WDFY4: variants seen among roughly 807,000 people sequenced by gnomAD.
The protein encoded by WDFY4 is WD repeat- and FYVE domain-containing protein 4.
WDFY4 carries 169 observed loss-of-function variants against 351.9 expected under a neutral mutation model. That is an observed-to-expected ratio of 0.48 (90% confidence interval 0.42 to 0.55). The LOEUF (loss-of-function observed/expected upper bound fraction) is 0.55, where lower values mean the gene tolerates loss of function less well. WDFY4 is among the 20% of genes least tolerant of loss of function. The pLI, the probability that WDFY4 is intolerant of heterozygous loss-of-function variation, is 0.00. For synonymous variants in WDFY4, 1,622 were observed against 1,574.6 expected, an observed-to-expected ratio of 1.03 and a Z score of -0.71; for missense variants, 3,803 against 3,935.6, an observed-to-expected ratio of 0.97 and a Z score of 0.90.
intron 39 of WDFY4, among the ~76,000 whole-genome samples, chr10:48,857,108 T>TA (rs1013412192): frequency 3.8e-4 from 58 of 152,310 alleles, no homozygotes; most frequent in African/African-American, 1.3e-3. Flanking sequence ...TTTGTTCAGA[T>TA]AAAAATGATG....
At chr10:48,879,893 A>G (rs1302670928) in intron 43 of WDFY4, among the ~76,000 whole-genome samples, 1 of 151,848 alleles carries the variant, frequency 6.6e-6, no homozygotes, top group African/African-American at 2.4e-5. Flanking sequence ...CGCTCCCCCA[A>G]CACCACCTCT....
chr10:48,735,679 A>C (rs995621452), intron 10 of WDFY4, among the ~76,000 whole-genome samples: 2 of 152,198 alleles, frequency 1.3e-5, no homozygotes, highest in Non-Finnish European at 2.9e-5. Flanking sequence ...TAAAAAAATC[A>C]TCAGATCCAC....
chr10:48,789,457 T>C (rs559180794), intron 21 of WDFY4, among the ~76,000 whole-genome samples: 3 of 152,344 alleles, frequency 2.0e-5, no homozygotes, highest in African/African-American at 2.4e-5. Context: ...GAGTCCAGGA[T>C]TCCTATCTTC....
chr10:48,804,329 G>A (rs761345363), intron 25 of WDFY4, among the ~76,000 whole-genome samples: 5 of 152,242 alleles, frequency 3.3e-5, no homozygotes, highest in African/African-American at 4.8e-5. Context: ...TGTACTTAGA[G>A]GTAAAATTCA....
intron 42 of WDFY4, 55 bp from the exon 43 acceptor site, chr10:48,876,978 C>G: frequency 1.4e-6 from 2 of 1,434,198 alleles, no homozygotes; most frequent in South Asian, 3.0e-5. Context: ...TGCACCGGCC[C>G]TTACCATGTC....
At chr10:48,922,556 A>G (rs1370231455) in intron 47 of WDFY4, among the ~76,000 whole-genome samples, 1 of 152,212 alleles carries the variant, frequency 6.6e-6, no homozygotes, top group Non-Finnish European at 1.5e-5. Flanking sequence ...ATTGTTGTTC[A>G]TCTCTTACGG....
chr10:48,916,449 G>T (rs1431138235), intron 47 of WDFY4, among the ~76,000 whole-genome samples: 1 of 152,162 alleles, frequency 6.6e-6, no homozygotes, highest in Non-Finnish European at 1.5e-5. Context: ...AGTCATCCAG[G>T]CAGGCATCTA....
chr10:48,856,390 C>T (rs1051798438), intron 39 of WDFY4, among the ~76,000 whole-genome samples: 1 of 152,036 alleles, frequency 6.6e-6, no homozygotes, highest in African/African-American at 2.4e-5. Context: ...GAAAAATATC[C>T]AGTTATCTGA....
At chr10:48,941,638 G>A (rs1258130153) in intron 47 of WDFY4, among the ~76,000 whole-genome samples, 168 bp from the exon 48 acceptor site, 1 of 152,212 alleles carries the variant, frequency 6.6e-6, no homozygotes, top group Admixed American at 6.5e-5. Context: ...AAGAAGAGCT[G>A]GATGACAGTC....
At chr10:48,697,277 C>T (rs1047554149) in intron 1 of WDFY4, among the ~76,000 whole-genome samples, 1 of 152,244 alleles carries the variant, frequency 6.6e-6, no homozygotes, top group African/African-American at 2.4e-5. Context: ...AGCTCCCTTC[C>T]CGACCTGCTT....
At chr10:48,879,937 G>A (rs1042469097) in intron 43 of WDFY4, among the ~76,000 whole-genome samples, 7 of 152,200 alleles carry the variant, frequency 4.6e-5, no homozygotes, top group Non-Finnish European at 8.8e-5. Flanking sequence ...GGGCGCAGGG[G>A]ATGGCACTAA....
chr10:48,798,690 CAT>C (rs1175862559), intron 24 of WDFY4, among the ~76,000 whole-genome samples: 2 of 152,208 alleles, frequency 1.3e-5, no homozygotes, highest in East Asian at 3.8e-4. Flanking sequence ...GCTGGGCACT[CAT>C]AGGGAAATTC....
chr10:48,863,307 C>A (rs2069410766), intron 39 of WDFY4, among the ~76,000 whole-genome samples: 1 of 152,190 alleles, frequency 6.6e-6, no homozygotes, highest in African/African-American at 2.4e-5. Context: ...TACATTCCCA[C>A]CAACAGTGTA....
At chr10:48,959,387 T>C (rs1330732763) in intron 52 of WDFY4, among the ~76,000 whole-genome samples, 1 of 152,222 alleles carries the variant, frequency 6.6e-6, no homozygotes, top group Non-Finnish European at 1.5e-5. Context: ...GATTGTTTAA[T>C]GCTGTGTAAA....
Position 48,976,902 on chromosome 10 carries a change from T to C in WDFY4, c.9214T>C (p.Cys3072Arg), listed in dbSNP as rs1479762380. The change falls in exon 59 of 62, where the codon TGC (cysteine) becomes CGC (arginine). Residue 3072 changes from cysteine to arginine, a missense_variant. Transcript: ENST00000325239. ...CTGGGGCCCAGAAGGAGCCATAACC[T>C]GCTGCTGCCTGATGGAGGGCCCAGC... ...TAWGPEGAIT[C>R]CCLMEGPAWD... 1 of 1,541,870 alleles carries C rather than the reference T, an allele frequency of 6.5e-7. No individual in the cohort carries two copies.
At chr10:48,780,617 T>C (rs1023953595) in intron 19 of WDFY4, among the ~76,000 whole-genome samples, 5 of 152,070 alleles carry the variant, frequency 3.3e-5, no homozygotes, top group Non-Finnish European at 7.4e-5. Context: ...GGTAATAGAA[T>C]GCAAATGTAT....
intron 11 of WDFY4, among the ~76,000 whole-genome samples, chr10:48,742,620 A>G (rs1351687443): frequency 6.6e-6 from 1 of 152,178 alleles, no homozygotes; most frequent in Non-Finnish European, 1.5e-5. Context: ...GCTGCAGTAG[A>G]GTATGACGAG....
chr10:48,928,717 G>A (rs1839797183), intron 47 of WDFY4, among the ~76,000 whole-genome samples: 2 of 152,178 alleles, frequency 1.3e-5, no homozygotes, highest in African/African-American at 4.8e-5. Flanking sequence ...AGAGTCCACT[G>A]GAGCACCCCA....
intron 20 of WDFY4, among the ~76,000 whole-genome samples, chr10:48,787,927 CTTCTTCTTCTTCTTCTTCTTCTT>C (rs2066516455): frequency 3.6e-5 from 3 of 83,354 alleles, no homozygotes; most frequent in Non-Finnish European, 6.9e-5. Flanking sequence ...TCTTCTTCTT[CTTCTTCTTCTTCTTCTTCTTCTT>C]CTTCTTCTTC....
Sources: allele counts gnomAD v4.1 joint callset (sites outside exome capture counted in the v4.1 genomes callset), GRCh38; gene constraint gnomAD v4.1.1; transcripts MANE v1.5; gene names NCBI Gene and HGNC (gene_info 2026-07-23, HGNC 2026-07-21).